The following STAG3 variants were observed in gnomAD, a reference collection of about 807,000 sequenced individuals.
The protein encoded by STAG3 is cohesin subunit SA-3.
Under a neutral mutation model 160.7 loss-of-function variants are expected in STAG3, and 101 were observed. The observed-to-expected ratio is 0.63, with a 90% CI of 0.54 to 0.74. The LOEUF is 0.74. STAG3 is among the 30% of genes least tolerant of loss of function. STAG3 has a pLI of 0.00. For missense variants in STAG3, 1,188 were observed against 1,517.4 expected (o/e 0.78, Z 3.61); for synonymous variants, 519 against 585.0 (o/e 0.89, Z 1.63).
At chr7:100,214,388 C>T (rs991942254), downstream of STAG3, 1 of 280,738 alleles carries the variant, frequency 3.6e-6, no homozygotes, top group Non-Finnish European at 6.8e-6. Context: ...TCCACACGTT[C>T]CCAAGGTGTG....
In STAG3 at chr7:100,190,509, C is replaced by T. The variant is rs536967569; in HGVS notation, c.867+913C>T. ...TAAAAGCTTGAATATTAATCTATCC[C>T]GGATTTTAAATTATGTACACTAGTG... On this transcript the variant is annotated intron_variant, in intron 8 of 33. Transcript: ENST00000615138. Among the ~76,000 whole-genome samples the T allele has an allele frequency of 1.8e-4, 27 of 152,268 alleles. No homozygotes were observed. The South Asian group carries it at 5.6e-3, about 32-fold the overall frequency.
In STAG3 at chr7:100,201,446, C is replaced by T. The variant is rs541488218; in HGVS notation, c.2220+95C>T. 3.2e-4 allele frequency: 353 copies of T among 1,090,920 alleles called. 5 individuals are homozygous for T. In the South Asian group the frequency reaches 4.2e-3, roughly 13 times the overall value. The allele number at this position is 1,090,920 out of a possible 1,614,324, so 67.6% of individuals were successfully genotyped here. ...CCACTAGGTGTGTCAAGTCTCAGTG[C>T]GTGGAGTGGACAAAGCGAGGAAGAT... is the stretch of plus-strand genomic sequence containing the variant. On this transcript the variant is annotated intron_variant, in intron 21 of 33. Coordinates refer to ENST00000615138, the MANE Select transcript of STAG3 (RefSeq NM_001282717.2).
chr7:100,213,412 G>C, intron 32 of STAG3: 1 of 985,446 alleles, frequency 1.0e-6, no homozygotes, highest in Non-Finnish European at 1.2e-6. Context: ...TGCTCAGAAG[G>C]AGAAACCAAA....
intron 8 of STAG3, among the ~76,000 whole-genome samples, chr7:100,191,202 C>T (rs559078239): frequency 6.6e-6 from 1 of 152,234 alleles, no homozygotes; most frequent in African/African-American, 2.4e-5. Context: ...TAGTACCCTG[C>T]TCCCCCAGCA....
chr7:100,179,259 T>G (rs1208618333), intron 1 of STAG3, among the ~76,000 whole-genome samples: 4 of 146,182 alleles, frequency 2.7e-5, no homozygotes, highest in Admixed American at 7.0e-5. Context: ...CTTGCTTGGG[T>G]TTTGTTTTTT....
At chr7:100,193,932 A>G (rs1800501196) in intron 8 of STAG3, among the ~76,000 whole-genome samples, 1 of 145,120 alleles carries the variant, frequency 6.9e-6, no homozygotes, top group South Asian at 2.1e-4. Flanking sequence ...ACTAAGCTTA[A>G]TCATTTCTTT....
At chr7:100,195,944 A>G (rs991255465) in intron 9 of STAG3, among the ~76,000 whole-genome samples, 2 of 152,200 alleles carry the variant, frequency 1.3e-5, no homozygotes, top group African/African-American at 4.8e-5. Context: ...AGCCTGACCA[A>G]CATGGAGAAA....
Position 100,182,082 on chromosome 7 carries a change from TC to T in STAG3, c.117-7del, listed in dbSNP as rs746995023. On this transcript the variant is annotated splice_polypyrimidine_tract_variant and splice_region_variant and intron_variant, in intron 2 of 33. Transcript: ENST00000615138. Reference sequence around the variant, plus strand: ...GTTATATTTAAAGAGAACCATACTTTCTCACAGGAATGGCGACTCTTTGTTA... The same window carrying T: ...GTTATATTTAAAGAGAACCATACTTTTCACAGGAATGGCGACTCTTTGTTA... 73 of 1,611,054 alleles carry T rather than the reference TC, an allele frequency of 4.5e-5. No homozygotes were observed. Among genetic ancestry groups the T allele is most frequent in the Admixed American group, 6.7e-5 (4 of 59,942 alleles).
chr7:100,193,167 G>A (rs1266634599), intron 8 of STAG3, among the ~76,000 whole-genome samples: 2 of 152,142 alleles, frequency 1.3e-5, no homozygotes, highest in Non-Finnish European at 2.9e-5. Context: ...CCTCACCCAT[G>A]TGCTTAAAAT....
Position 100,214,152 on chromosome 7 carries a change from T to C in STAG3, c.*137T>C. On this transcript the variant is annotated 3_prime_UTR_variant, in exon 34 of 34. Coordinates refer to ENST00000615138, the MANE Select transcript of STAG3 (RefSeq NM_001282717.2). ...GGCTCTGAGGGGAAAGAGTTGGGCATTGTTTTTCTAACCTAACCTTTCCCT... is the reference window on the plus strand; with the variant it reads ...GGCTCTGAGGGGAAAGAGTTGGGCACTGTTTTTCTAACCTAACCTTTCCCT... 2.3e-6 allele frequency: 3 copies of C among 1,282,824 alleles called. No individual in the cohort carries two copies. The highest frequency in any genetic ancestry group is 2.6e-5 in the South Asian group (2 of 77,412). The allele number at this position is 1,282,824 out of a possible 1,614,324, so 79.5% of individuals were successfully genotyped here. A position where few individuals can be genotyped will look rare whatever the true frequency, so the allele number is the denominator to read the frequency against.
chr7:100,183,845 T>A (rs1369748683), intron 4 of STAG3, among the ~76,000 whole-genome samples: 1 of 152,270 alleles, frequency 6.6e-6, no homozygotes, highest in African/African-American at 2.4e-5. Context: ...TTACCCACAT[T>A]AATGTGTAAT....
rs370289545 is a variant in STAG3 at position 100,182,762 on chromosome 7, C to G, written c.259C>G (p.Arg87Gly). ...AAAGAAAGGGTCCCGAGTGGTACATCGTCATAGCCGGAAACAGTCAGAGCC... is the reference window on the plus strand; with the variant it reads ...AAAGAAAGGGTCCCGAGTGGTACATGGTCATAGCCGGAAACAGTCAGAGCC... ...HPKKGSRVVH[R>G]HSRKQSEPPA... The change falls in exon 4 of 34, where the codon CGT (arginine) becomes GGT (glycine). Residue 87 changes from arginine to glycine, a missense_variant. By Grantham distance (125) the Arg-to-Gly change is moderately radical. Transcript: ENST00000615138. The G allele has an allele frequency of 5.0e-6, 8 of 1,613,754 alleles. No homozygotes were observed. The South Asian group carries it at 5.5e-5, about 11-fold the overall frequency.
intron 1 of STAG3, among the ~76,000 whole-genome samples, chr7:100,178,940 C>G (rs1047989887): frequency 1.3e-5 from 2 of 151,890 alleles, no homozygotes; most frequent in Admixed American, 6.6e-5. Context: ...GCGATCGTCC[C>G]GCTTCATTCT....
chr7:100,200,570 C>A (rs750846655), intron 18 of STAG3, 28 bp downstream of exon 18: 1 of 1,609,774 alleles, frequency 6.2e-7, no homozygotes, highest in Admixed American at 1.7e-5. Context: ...CTATACCTTG[C>A]TGCTTGCCTG....
At chr7:100,185,237 TG>T (rs1247203209) in intron 4 of STAG3, among the ~76,000 whole-genome samples, 1 of 152,182 alleles carries the variant, frequency 6.6e-6, no homozygotes. Flanking sequence ...TAGACCAGCC[TG>T]GGCAACATGA....
intron 10 of STAG3, 115 bp downstream of exon 10, chr7:100,197,394 C>T: frequency 7.0e-7 from 1 of 1,426,974 alleles, no homozygotes; most frequent in East Asian, 2.4e-5. Flanking sequence ...CAATGATGAA[C>T]CCATCAAGGC....
intron 6 of STAG3, 87 bp downstream of exon 6, chr7:100,188,616 G>A: frequency 8.1e-7 from 1 of 1,236,286 alleles, no homozygotes; most frequent in African/African-American, 1.5e-5. Flanking sequence ...CTGTGAAATA[G>A]GGTAGCTTTT....
rs1341071379 is a variant in STAG3, at chr7:100,205,299, C to G, written c.3153C>G (p.Thr1051=). The change falls in exon 29 of 34, where the codon ACC becomes ACG. Residue 1051 remains threonine (T), a synonymous_variant. Coordinates refer to ENST00000615138, the MANE Select transcript of STAG3 (RefSeq NM_001282717.2). ...APGHPWGPVT[T]YCHSLSPVEN... ...GCCATCCCTGGGGCCCAGTCACCAC[C>G]TACTGCCACTCCCTCAGCCCTGTGG... The G allele has an allele frequency of 5.6e-6, 9 of 1,614,048 alleles. No homozygotes were observed. Among genetic ancestry groups the G allele is most frequent in the Non-Finnish European group, 7.6e-6 (9 of 1,180,044 alleles).
chr7:100,189,115 C>G (rs1171970667), intron 7 of STAG3, 99 bp downstream of exon 7: 1 of 1,359,798 alleles, frequency 7.4e-7, no homozygotes, highest in South Asian at 1.3e-5. Flanking sequence ...CATCTTGGCT[C>G]TTCACTTCAA....
Sources: allele counts gnomAD v4.1 joint callset (sites outside exome capture counted in the v4.1 genomes callset), GRCh38; gene constraint gnomAD v4.1.1; transcripts MANE v1.5; gene names NCBI Gene and HGNC (gene_info 2026-07-23, HGNC 2026-07-21).